LINGO2: variants seen among roughly 807,000 people sequenced by gnomAD.
LINGO2 encodes leucine-rich repeat and immunoglobulin-like domain-containing nogo receptor-interacting protein 2.
A neutral mutation model predicts 30.6 loss-of-function variants in LINGO2; 14 were observed. The observed-to-expected ratio is 0.46, with a 90% confidence interval of 0.30 to 0.72. The LOEUF is 0.72. Ranked by LOEUF, LINGO2 falls within the 30% of genes least tolerant of loss-of-function variation. The pLI is 0.07. For missense variants in LINGO2, 729 were observed against 751.7 expected (o/e 0.97, Z 0.35); for synonymous variants, 317 against 288.5 (o/e 1.10, Z -1.00).
chr9:29,061,398 A>C, the LINGO2 span, among the ~76,000 whole-genome samples: 1 of 152,082 alleles, frequency 6.6e-6, no homozygotes, highest in East Asian at 1.9e-4. Flanking sequence ...TTGAAAAAGA[A>C]AGTTGGAGGT....
At position 28,629,525 on chromosome 9, in the gene LINGO2, T is replaced by G. The variant is rs191202993; in HGVS notation, c.-365+40675A>C. ...ATATATGTTTTGCCCATCTTTGAAT[T>G]TGGATATGAACACTTTTTATGTTAT... On this transcript the variant is annotated intron_variant, in intron 1 of 5. Transcript: ENST00000379992. 1.2e-4 allele frequency among the ~76,000 whole-genome samples: 18 copies of G among 152,054 alleles called. 1 individual carries two copies. Among genetic ancestry groups the G allele is most frequent in the Non-Finnish European group, 2.5e-4 (17 of 67,980 alleles).
chr9:28,763,116 C>T, the LINGO2 span, among the ~76,000 whole-genome samples: 1 of 151,924 alleles, frequency 6.6e-6, no homozygotes, highest in Non-Finnish European at 1.5e-5. Flanking sequence ...CAATGATATC[C>T]CAATCACAAC....
chr9:28,297,656 A>C (rs966742859), intron 3 of LINGO2, among the ~76,000 whole-genome samples: 1 of 152,200 alleles, frequency 6.6e-6, no homozygotes, highest in African/African-American at 2.4e-5. Flanking sequence ...TACAATATAG[A>C]AGGATCAATT....
At chr9:28,190,574 G>A (rs1468682273) in intron 4 of LINGO2, among the ~76,000 whole-genome samples, 1 of 152,160 alleles carries the variant, frequency 6.6e-6, no homozygotes, top group African/African-American at 2.4e-5. Context: ...ACAGCAAGAG[G>A]ACAGTCATCT....
intron 2 of LINGO2, among the ~76,000 whole-genome samples, chr9:28,394,951 C>T (rs1430852063): frequency 6.6e-6 from 1 of 152,154 alleles, no homozygotes; most frequent in Non-Finnish European, 1.5e-5. Flanking sequence ...TAAACTTGCC[C>T]CATCTTTTTG....
chr9:29,189,210 T>C, the LINGO2 span, among the ~76,000 whole-genome samples: 1 of 121,644 alleles, frequency 8.2e-6, no homozygotes, highest in Admixed American at 7.9e-5. Context: ...CACTTCCCAG[T>C]AGGGGCGGCC....
intron 5 of LINGO2, among the ~76,000 whole-genome samples, chr9:27,991,518 G>C (rs1821398085): frequency 6.6e-6 from 1 of 152,074 alleles, no homozygotes; most frequent in African/African-American, 2.4e-5. Context: ...AGACCCGGCA[G>C]ATGCTAGGCG....
the LINGO2 span, among the ~76,000 whole-genome samples, chr9:29,202,096 G>A: frequency 6.6e-6 from 1 of 151,944 alleles, no homozygotes; most frequent in Non-Finnish European, 1.5e-5. Flanking sequence ...TAGGTCCAAA[G>A]ATATTTTTAA....
the LINGO2 span, among the ~76,000 whole-genome samples, chr9:29,127,853 C>G: frequency 6.6e-6 from 1 of 152,136 alleles, no homozygotes; most frequent in South Asian, 2.1e-4. Context: ...TGCATGTGTT[C>G]AGGCGAATTA....
intron 1 of LINGO2, among the ~76,000 whole-genome samples, chr9:28,493,009 A>G (rs1372016629): frequency 6.6e-6 from 1 of 152,068 alleles, no homozygotes; most frequent in Non-Finnish European, 1.5e-5. Context: ...ACTCTGACAG[A>G]TGGGGGCTCA....
At chr9:28,423,492 C>T (rs989133194) in intron 2 of LINGO2, among the ~76,000 whole-genome samples, 1 of 152,094 alleles carries the variant, frequency 6.6e-6, no homozygotes, top group Admixed American at 6.6e-5. Context: ...GGTTAAAGAA[C>T]TACATATGCA....
At chr9:28,328,071 G>A (rs1000580980) in intron 3 of LINGO2, among the ~76,000 whole-genome samples, 19 of 152,102 alleles carry the variant, frequency 1.2e-4, no homozygotes, top group African/African-American at 3.1e-4. Context: ...GAACAAATAC[G>A]CAGCAAGAAG....
At chr9:28,092,757 T>G (rs1444572349) in intron 4 of LINGO2, among the ~76,000 whole-genome samples, 1 of 151,930 alleles carries the variant, frequency 6.6e-6, no homozygotes, top group East Asian at 1.9e-4. Flanking sequence ...AAAGGCAGTT[T>G]TCACTATCCA....
At chr9:29,152,887 T>C in the LINGO2 span, among the ~76,000 whole-genome samples, 3 of 152,184 alleles carry the variant, frequency 2.0e-5, no homozygotes, top group Non-Finnish European at 4.4e-5. Flanking sequence ...ATATATAAAT[T>C]GTATTTTGAA....
At chr9:28,882,458 A>C in the LINGO2 span, among the ~76,000 whole-genome samples, 15 of 152,190 alleles carry the variant, frequency 9.9e-5, no homozygotes, top group Non-Finnish European at 1.9e-4. Flanking sequence ...TATGCATTTA[A>C]CTAATGGTAG....
intron 1 of LINGO2, among the ~76,000 whole-genome samples, chr9:28,493,973 C>G (rs1475028788): frequency 6.6e-6 from 1 of 152,074 alleles, no homozygotes; most frequent in Non-Finnish European, 1.5e-5. Context: ...ATTGTGGAAC[C>G]TCATCTTGTG....
intron 2 of LINGO2, among the ~76,000 whole-genome samples, chr9:28,376,718 G>T (rs1047397899): frequency 6.6e-6 from 1 of 152,146 alleles, no homozygotes; most frequent in Non-Finnish European, 1.5e-5. Context: ...TAAATTTCAT[G>T]CATGAAAACC....
intron 5 of LINGO2, among the ~76,000 whole-genome samples, chr9:27,986,945 G>T (rs538094576): frequency 2.2e-4 from 34 of 151,926 alleles, no homozygotes; most frequent in Admixed American, 2.2e-3. Context: ...AACTCAGTCA[G>T]CAAGACCTGC....
At chr9:28,539,234 G>A (rs1268001796) in intron 1 of LINGO2, among the ~76,000 whole-genome samples, 3 of 151,920 alleles carry the variant, frequency 2.0e-5, no homozygotes, top group African/African-American at 7.2e-5. Context: ...TATAAAGTGG[G>A]TCTTTTAATA....
Sources: gnomAD v4.1 joint callset for allele counts (sites outside exome capture counted in the v4.1 genomes callset) on GRCh38, gnomAD v4.1.1 for gene constraint, MANE v1.5 for transcripts, NCBI Gene and HGNC (gene_info 2026-07-23, HGNC 2026-07-21) for gene names.